ACSF3: variants seen among roughly 807,000 people sequenced by gnomAD.
ACSF3 encodes the protein malonate--CoA ligase ACSF3, mitochondrial.
ACSF3 carries 78 observed loss-of-function variants against 53.2 expected under a neutral mutation model. The ratio of observed to expected loss-of-function variants is 1.47; its 90% confidence interval spans 1.22 to 1.77. The LOEUF (loss-of-function observed/expected upper bound fraction) is 1.77, where lower values mean the gene tolerates loss of function less well. Ranked by LOEUF, ACSF3 falls within the 40% of genes most tolerant of loss-of-function variation. The pLI is 0.00. For synonymous variants in ACSF3, 414 were observed against 333.1 expected (o/e 1.24, Z -2.65); for missense variants, 937 against 771.1 (o/e 1.22, Z -2.55).
At chr16:89,113,633 C>T (rs1904462279) in intron 5 of ACSF3, 1 of 154,616 alleles carries the variant, frequency 6.5e-6, no homozygotes, top group Non-Finnish European at 1.4e-5. Context: ...CCTCGTAAAG[C>T]AGGGGCAGCA....
At chr16:89,147,138 A>G (rs1913111071) in intron 10 of ACSF3, among the ~76,000 whole-genome samples, 1 of 145,510 alleles carries the variant, frequency 6.9e-6, no homozygotes, top group Non-Finnish European at 1.5e-5. Context: ...GGGAGGAGGG[A>G]GGAGCCACAG....
chr16:89,141,342 T>C (rs1911722976), intron 8 of ACSF3: 1 of 1,266,728 alleles, frequency 7.9e-7, no homozygotes, highest in Non-Finnish European at 1.0e-6. Context: ...CTGAGACTGC[T>C]CTGTGCTGAG....
At chr16:89,115,652 T>C in intron 6 of ACSF3, among the ~76,000 whole-genome samples, 1 of 152,250 alleles carries the variant, frequency 6.6e-6, no homozygotes, top group East Asian at 1.9e-4. Context: ...AGGAGAGAGA[T>C]TGCTGTGTTG....
At chr16:89,127,129 G>A (rs1908286792) in intron 7 of ACSF3, among the ~76,000 whole-genome samples, 3 of 151,258 alleles carry the variant, frequency 2.0e-5, no homozygotes, top group Admixed American at 2.0e-4. Flanking sequence ...CTAGCATATT[G>A]CTGAGTATTT....
intron 8 of ACSF3, among the ~76,000 whole-genome samples, chr16:89,144,549 G>A (rs1018538778): frequency 6.6e-6 from 1 of 152,244 alleles, no homozygotes; most frequent in Non-Finnish European, 1.5e-5. Context: ...GTGGGATGTT[G>A]TAATGTGTCT....
intron 4 of ACSF3, among the ~76,000 whole-genome samples, chr16:89,109,636 T>G (rs1321688184): frequency 6.6e-6 from 1 of 152,166 alleles, no homozygotes; most frequent in Non-Finnish European, 1.5e-5. Flanking sequence ...GGTCTTGAAC[T>G]CCTGACCTCA....
chr16:89,122,536 G>T, intron 7 of ACSF3: 1 of 326,454 alleles, frequency 3.1e-6, no homozygotes. Flanking sequence ...CCCCCAACTC[G>T]AGGACCTCCC....
rs144411003 is a variant in ACSF3 at position 89,101,072 on chromosome 16, G to A, written c.391G>A (p.Ala131Thr). The A allele has an allele frequency of 2.1e-5, 34 of 1,614,024 alleles. No individual in the cohort carries two copies. In the Middle Eastern group the frequency reaches 4.9e-4, roughly 23 times the overall value. Residue 131 changes from alanine (A) to threonine (T), a missense_variant, in exon 3 of 11, where the codon GCG becomes ACG. By Grantham distance (58) the Ala-to-Thr change is moderately conservative (BLOSUM62 0). Transcript: ENST00000614302. The part of the protein sequence containing the change: ...VAVPLYRKHP[A>T]AQLEYVICDS... ...AGTCCCCCTCTACAGGAAGCATCCCGCGGCCCAGCTGGAGTATGTCATCTG... is the reference window on the plus strand; with the variant it reads ...AGTCCCCCTCTACAGGAAGCATCCCACGGCCCAGCTGGAGTATGTCATCTG...
At chr16:89,141,379 C>T (rs986010263) in intron 8 of ACSF3, 2 of 1,177,976 alleles carry the variant, frequency 1.7e-6, no homozygotes, top group Admixed American at 2.4e-5. Flanking sequence ...TGACATGTTC[C>T]AAGGGGCAAG....
chr16:89,140,982 T>A (rs1192316030), intron 8 of ACSF3: 4 of 1,111,228 alleles, frequency 3.6e-6, no homozygotes, highest in Admixed American at 2.7e-5. Context: ...GGCAGCCGAC[T>A]CCGATTCCAG....
chr16:89,107,253 G>A (rs1444380393), intron 4 of ACSF3, among the ~76,000 whole-genome samples: 2 of 152,202 alleles, frequency 1.3e-5, no homozygotes, highest in Non-Finnish European at 2.9e-5. Flanking sequence ...CTTCTTTAGG[G>A]CAGCAGCTGC....
intron 7 of ACSF3, chr16:89,122,577 G>C (rs1597993891): frequency 3.6e-6 from 1 of 277,022 alleles, no homozygotes; most frequent in Non-Finnish European, 7.6e-6. Flanking sequence ...TGTCTGCAGG[G>C]ACGGGGCTCA....
intron 7 of ACSF3, among the ~76,000 whole-genome samples, chr16:89,130,580 A>T (rs1045787945): frequency 5.9e-5 from 9 of 152,164 alleles, no homozygotes; most frequent in African/African-American, 1.9e-4. Context: ...TCTCAAAAAA[A>T]TACTACTAAT....
intron 1 of ACSF3, among the ~76,000 whole-genome samples, chr16:89,097,674 A>T (rs1974781765): frequency 6.6e-6 from 1 of 152,142 alleles, no homozygotes; most frequent in Admixed American, 6.5e-5. Context: ...GTGTCTGGTG[A>T]AGCCCAGTTG....
intron 7 of ACSF3, among the ~76,000 whole-genome samples, chr16:89,132,050 G>A (rs548803311): frequency 2.4e-4 from 37 of 152,384 alleles, no homozygotes; most frequent in South Asian, 6.2e-4. Flanking sequence ...CCAGGCTGGC[G>A]GGTTGGCAGC....
In ACSF3 at chr16:89,154,484, G is replaced by A. The variant is rs1475816348; in HGVS notation, c.*277G>A. The stretch of plus-strand genomic sequence containing the variant: ...CGGTGCAGCCAGCCCCTGGCCCCAC[G>A]TGCTGAGGCACCTCCCGCCCCACAG... On this transcript the variant is annotated 3_prime_UTR_variant, in exon 11 of 11. Transcript: ENST00000614302. 13 of 595,514 alleles carry A rather than the reference G, an allele frequency of 2.2e-5. No individual in the cohort carries two copies. Among genetic ancestry groups the A allele is most frequent in the Middle Eastern group, 4.5e-4 (1 of 2,244 alleles). The allele number at this position is 595,514 out of a possible 1,614,324, so 36.9% of individuals were successfully genotyped here. A position where few individuals can be genotyped will look rare whatever the true frequency, so the allele number is the denominator to read the frequency against.
intron 6 of ACSF3, among the ~76,000 whole-genome samples, chr16:89,117,557 C>T (rs924444860): frequency 6.6e-6 from 1 of 151,702 alleles, no homozygotes; most frequent in African/African-American, 2.4e-5. Context: ...CTGCTGTCTA[C>T]ACCGAGGATG....
At position 89,100,721 on chromosome 16, in the gene ACSF3, T is replaced by C; in HGVS notation, c.40T>C (p.Cys14Arg). The change falls in exon 3 of 11, where the codon TGC (cysteine) becomes CGC (arginine). Residue 14 changes from cysteine (C) to arginine (R), a missense_variant. Coordinates refer to ENST00000614302, the MANE Select transcript of ACSF3 (RefSeq NM_001243279.3). Reference sequence around the variant, plus strand: ...GGTGCTCACCTTCCGGCGCCTGGGCTGCGCCTTGGCGTCCTGCCGGCTGGC... The same window carrying C: ...GGTGCTCACCTTCCGGCGCCTGGGCCGCGCCTTGGCGTCCTGCCGGCTGGC... ...HVVLTFRRLG[C>R]ALASCRLAPA... The C allele has an allele frequency of 1.2e-6, 2 of 1,602,832 alleles. No individual in the cohort carries two copies. The highest frequency in any genetic ancestry group is 1.1e-5 in the South Asian group (1 of 91,052).
At chr16:89,117,187 C>T (rs1051380301) in intron 6 of ACSF3, among the ~76,000 whole-genome samples, 6 of 152,158 alleles carry the variant, frequency 3.9e-5, no homozygotes, top group Admixed American at 3.9e-4. Context: ...TCTGTCTGCA[C>T]AGTTTGTAGT....
Sources: allele counts gnomAD v4.1 joint callset (sites outside exome capture counted in the v4.1 genomes callset), GRCh38; gene constraint gnomAD v4.1.1; transcripts MANE v1.5; gene names NCBI Gene and HGNC (gene_info 2026-07-23, HGNC 2026-07-21).